Variants in TAF1B observed in about 807,000 individuals in gnomAD.
TAF1B encodes the protein TATA-box binding protein associated factor, RNA polymerase I subunit B.
TAF1B carries 61 observed loss-of-function variants against 83.9 expected under a neutral mutation model. That is an observed-to-expected ratio of 0.73 (90% CI 0.59 to 0.90). The LOEUF is 0.90. Ranked by LOEUF, TAF1B falls within the 40% of genes least tolerant of loss-of-function variation. The pLI is 0.00. For missense variants in TAF1B, 625 were observed against 677.0 expected, an observed-to-expected ratio of 0.92 and a Z score of 0.85; for synonymous variants, 221 against 224.6, an observed-to-expected ratio of 0.98 and a Z score of 0.14.
At chr2:9,924,091 A>G (rs1665965197) in intron 14 of TAF1B, among the ~76,000 whole-genome samples, 1 of 152,200 alleles carries the variant, frequency 6.6e-6, no homozygotes, top group South Asian at 2.1e-4. Context: ...CTCTGCATGA[A>G]GTATAAAACT....
Position 9,845,380 on chromosome 2 carries a change from T to A in TAF1B, c.117+62T>A, listed in dbSNP as rs1339930417. The stretch of plus-strand genomic sequence containing the variant: ...TTTAAAAATTGCCATTTCAGCCTGA[T>A]ATGTAGTCTAAGTCCCAAAGAATTG... On this transcript the variant is annotated intron_variant, in intron 2 of 14. Coordinates refer to ENST00000263663, the MANE Select transcript of TAF1B (RefSeq NM_005680.3). 5 of 1,358,156 alleles carry A rather than the reference T, an allele frequency of 3.7e-6. No homozygotes were observed. In the African/African-American group the frequency reaches 5.7e-5, roughly 16 times the overall value. 84.1% of individuals were successfully genotyped at this position (1,358,156 alleles called of 1,614,324 possible).
intron 7 of TAF1B, among the ~76,000 whole-genome samples, chr2:9,876,855 A>G (rs757344961): frequency 6.6e-6 from 1 of 152,202 alleles, no homozygotes; most frequent in African/African-American, 2.4e-5. Flanking sequence ...TTAGCGCTAC[A>G]TGGAAAGCAC....
At chr2:9,851,426 TG>T (rs111708404) in intron 3 of TAF1B, 114 bp from the exon 4 acceptor site, 7,414 of 643,440 alleles carry the variant, frequency 0.012, 1 homozygote, top group South Asian at 0.017. Flanking sequence ...CTGGGTTAAT[TG>T]AAAAAAAAAG....
chr2:9,927,593 G>C (rs4669499), intron 14 of TAF1B, among the ~76,000 whole-genome samples: 41,843 of 152,058 alleles, frequency 0.28, 6,806 homozygotes, highest in Middle Eastern at 0.4. Context: ...TCTCATTGTG[G>C]TTTTGATTTG....
At chr2:9,884,067 T>C (rs191098080) in intron 8 of TAF1B, among the ~76,000 whole-genome samples, 1 of 152,362 alleles carries the variant, frequency 6.6e-6, no homozygotes, top group Non-Finnish European at 1.5e-5. Context: ...GTGATGGATG[T>C]GTGAGCAAGC....
Position 9,868,303 on chromosome 2 carries a change from G to C in TAF1B, c.427G>C (p.Asp143His), listed in dbSNP as rs1664058280. Residue 143 changes from aspartate (D) to histidine (H), a missense_variant, in exon 6 of 15, where the codon GAC becomes CAC. Transcript: ENST00000263663. Reference protein sequence around the residue: ...TVLEDNLSHSDWASEPELLSD... With the variant: ...TVLEDNLSHSHWASEPELLSD... Reference sequence around the variant, plus strand: ...ATTAGAAGATAATCTAAGTCATTCAGACTGGGCTAGTGAGCCTGAGCTGCT... The same window carrying C: ...ATTAGAAGATAATCTAAGTCATTCACACTGGGCTAGTGAGCCTGAGCTGCT... 6.2e-7 allele frequency: 1 copy of C among 1,614,000 alleles called. No individual in the cohort carries two copies. The highest frequency in any genetic ancestry group is 8.5e-7 in the Non-Finnish European group (1 of 1,180,010).
intron 14 of TAF1B, among the ~76,000 whole-genome samples, chr2:9,921,039 T>G (rs1010725556): frequency 2.6e-5 from 4 of 152,188 alleles, no homozygotes; most frequent in Non-Finnish European, 5.9e-5. Flanking sequence ...TTTGCTTTAT[T>G]TTTTCAGAAG....
At chr2:9,918,982 A>G (rs1665784465) in intron 12 of TAF1B, 59 bp from the exon 13 acceptor site, 3 of 1,386,734 alleles carry the variant, frequency 2.2e-6, no homozygotes, top group South Asian at 1.2e-5. Flanking sequence ...TGCTTCAGAC[A>G]ATGTGTTTAT....
At chr2:9,911,002 TA>T (rs1005542543) in intron 10 of TAF1B, 89 bp downstream of exon 10, 12 of 1,281,884 alleles carry the variant, frequency 9.4e-6, no homozygotes, top group African/African-American at 7.3e-5. Context: ...GAAGACACTT[TA>T]AAAAAAGAGC....
chr2:9,873,034 A>G (rs753484010), intron 6 of TAF1B, among the ~76,000 whole-genome samples: 1 of 152,164 alleles, frequency 6.6e-6, no homozygotes, highest in Non-Finnish European at 1.5e-5. Flanking sequence ...CTAAATTTTT[A>G]TATTATAAAC....
At chr2:9,868,635 TG>T (rs1420347235) in intron 6 of TAF1B, 1 of 758,592 alleles carries the variant, frequency 1.3e-6, no homozygotes, top group Non-Finnish European at 2.3e-6. Context: ...ATTGTCTCCA[TG>T]TGAGTTTTTT....
At chr2:9,894,770 C>T (rs1050292810) in intron 8 of TAF1B, among the ~76,000 whole-genome samples, 9 of 152,050 alleles carry the variant, frequency 5.9e-5, no homozygotes, top group Admixed American at 2.0e-4. Context: ...TAAACTAAAC[C>T]GAGTAACGGC....
rs774610405 is a variant in TAF1B, at chr2:9,919,728, A to T, written c.1473A>T (p.Gly491=). ...EEDTDRTCFH[G]HSLQGVLKEK... The stretch of plus-strand genomic sequence containing the variant: ...ACACTGATAGAACGTGTTTCCATGG[A>T]CACAGCCTTCAGGGAGTCCTGAAAG... Residue 491 remains glycine (G), a synonymous_variant, in exon 14 of 15, where the codon GGA becomes GGT. Coordinates refer to ENST00000263663, the MANE Select transcript of TAF1B (RefSeq NM_005680.3). The T allele has an allele frequency of 2.5e-6, 4 of 1,614,222 alleles. No individual in the cohort carries two copies. The highest frequency in any genetic ancestry group is 1.6e-4 in the Middle Eastern group (1 of 6,062).
chr2:9,892,580 G>C (rs900732938), intron 8 of TAF1B, among the ~76,000 whole-genome samples: 7 of 152,032 alleles, frequency 4.6e-5, no homozygotes, highest in Non-Finnish European at 8.8e-5. Flanking sequence ...GGGCCCTCTA[G>C]GTTCACCCAT....
At chr2:9,904,766 T>G in intron 8 of TAF1B, 93 bp from the exon 9 acceptor site, 2 of 1,277,860 alleles carry the variant, frequency 1.6e-6, no homozygotes, top group Non-Finnish European at 1.1e-6. Flanking sequence ...ATTTTTTTAC[T>G]TTTTAATAAT....
At chr2:9,905,923 C>T (rs1478099938) in intron 9 of TAF1B, among the ~76,000 whole-genome samples, 1 of 152,038 alleles carries the variant, frequency 6.6e-6, no homozygotes, top group Non-Finnish European at 1.5e-5. Context: ...ATTTCTAAAG[C>T]TAAGGAATAT....
chr2:9,847,057 A>G (rs1381382310), intron 2 of TAF1B, among the ~76,000 whole-genome samples: 1 of 152,208 alleles, frequency 6.6e-6, no homozygotes, highest in Admixed American at 6.5e-5. Flanking sequence ...AACTACATTA[A>G]CTAATTGCTT....
At chr2:9,900,805 G>A (rs901047851) in intron 8 of TAF1B, among the ~76,000 whole-genome samples, 1 of 152,100 alleles carries the variant, frequency 6.6e-6, no homozygotes, top group Non-Finnish European at 1.5e-5. Flanking sequence ...CACTGCTGGA[G>A]GGATTAAAAT....
rs1391425517 is a variant in TAF1B at position 9,914,940 on chromosome 2, CTT to C, written c.1271+1693_1271+1694del. ...GTTGACATACATGTCTAATTTTTCTCTTTGTTTCTCTGAATATTATCATCCAT... is the reference window on the plus strand; with the variant it reads ...GTTGACATACATGTCTAATTTTTCTCTGTTTCTCTGAATATTATCATCCAT... On this transcript the variant is annotated intron_variant, in intron 12 of 14. Transcript: ENST00000263663. This position sits in a 1 kb window ranked among gnomAD's most constrained non-coding sequence, Gnocchi z 4.3. Among the ~76,000 whole-genome samples the C allele has an allele frequency of 6.6e-6, 1 of 152,186 alleles. No homozygotes were observed. Among genetic ancestry groups the C allele is most frequent in the Admixed American group, 6.5e-5 (1 of 15,282 alleles).
Sources: gnomAD v4.1 joint callset for allele counts (sites outside exome capture counted in the v4.1 genomes callset) on GRCh38, gnomAD v4.1.1 for gene constraint, Gnocchi (gnomAD v3.1) non-coding constraint, MANE v1.5 for transcripts, NCBI Gene and HGNC (gene_info 2026-07-23, HGNC 2026-07-21) for gene names.